The following NRG3 variants were observed in gnomAD, a reference collection of about 807,000 sequenced individuals.
NRG3 encodes neuregulin 3.
Under a neutral mutation model 66.9 loss-of-function variants are expected in NRG3, and 31 were observed. The observed-to-expected ratio is 0.46, with a 90% CI of 0.35 to 0.63. The LOEUF is 0.63. Among genes scored for constraint, NRG3 ranks in the 20% least tolerant of loss-of-function variants. NRG3 has a pLI of 0.00. For synonymous variants in NRG3, 393 were observed against 359.4 expected, an observed-to-expected ratio of 1.09 and a Z score of -1.06; for missense variants, 910 against 878.9, an observed-to-expected ratio of 1.04 and a Z score of -0.45.
At chr10:82,283,655 C>G (rs2079245137) in intron 1 of NRG3, among the ~76,000 whole-genome samples, 1 of 152,108 alleles carries the variant, frequency 6.6e-6, no homozygotes, top group South Asian at 2.1e-4. Context: ...ACTAAATATA[C>G]TGATGCTTAT....
chr10:82,222,320 T>C (rs77499677), intron 1 of NRG3, among the ~76,000 whole-genome samples: 2,667 of 151,894 alleles, frequency 0.018, 38 homozygotes, highest in Non-Finnish European at 0.027. Flanking sequence ...CTTAAATAAA[T>C]CAGGAGTTAA....
At chr10:82,905,211 T>C (rs933331025) in intron 4 of NRG3, among the ~76,000 whole-genome samples, 1 of 152,192 alleles carries the variant, frequency 6.6e-6, no homozygotes, top group African/African-American at 2.4e-5. Context: ...TCCATATGCC[T>C]GTTCAGTTTG....
At chr10:82,703,813 G>T (rs2056084370) in intron 2 of NRG3, among the ~76,000 whole-genome samples, 1 of 152,050 alleles carries the variant, frequency 6.6e-6, no homozygotes, top group African/African-American at 2.4e-5. Flanking sequence ...CCTTCTTTTT[G>T]GTCCTGGTTA....
At chr10:82,417,305 A>C (rs898104150) in intron 2 of NRG3, among the ~76,000 whole-genome samples, 3 of 152,310 alleles carry the variant, frequency 2.0e-5, no homozygotes, top group African/African-American at 4.8e-5. Flanking sequence ...GCTGGAATTG[A>C]AATCCAAGGA....
chr10:82,504,953 G>A (rs1844535615), intron 2 of NRG3, among the ~76,000 whole-genome samples: 1 of 151,928 alleles, frequency 6.6e-6, no homozygotes, highest in African/African-American at 2.4e-5. Flanking sequence ...TGCTAAGTAA[G>A]AAAGAAAGGG....
chr10:82,139,096 C>T (rs2069582969), intron 1 of NRG3, among the ~76,000 whole-genome samples: 1 of 152,122 alleles, frequency 6.6e-6, no homozygotes, highest in African/African-American at 2.4e-5. Flanking sequence ...AACTCTGTAT[C>T]ATGATAATCC....
At chr10:82,349,066 G>A (rs186178455) in intron 1 of NRG3, among the ~76,000 whole-genome samples, 2 of 152,316 alleles carry the variant, frequency 1.3e-5, no homozygotes, top group East Asian at 1.9e-4. Flanking sequence ...CTCTCAGCTC[G>A]TCAAAGTCAT....
chr10:82,513,608 C>T (rs1845397091), intron 2 of NRG3, among the ~76,000 whole-genome samples: 1 of 152,120 alleles, frequency 6.6e-6, no homozygotes, highest in Non-Finnish European at 1.5e-5. Flanking sequence ...TGGCGAAACC[C>T]TGTTTCTATA....
At chr10:82,923,483 G>A (rs574416560) in intron 4 of NRG3, among the ~76,000 whole-genome samples, 3 of 152,334 alleles carry the variant, frequency 2.0e-5, no homozygotes, top group South Asian at 4.1e-4. Flanking sequence ...ATCTGCGAGA[G>A]CAAGAAGTAT....
At position 81,979,049 on chromosome 10, in the gene NRG3, C is replaced by T. The variant is rs565991401; in HGVS notation, c.823+102886C>T. On this transcript the variant is annotated intron_variant, in intron 1 of 8. Transcript: ENST00000372141. ...ATTAAAAGTACAAAAATTAGCTGGG[C>T]GTAGTGGCGCACGCCTGTAGTCCCA... 7.5e-3 allele frequency among the ~76,000 whole-genome samples: 1,146 copies of T among 152,064 alleles called. 20 individuals carry two copies. The highest frequency in any genetic ancestry group is 0.026 in the African/African-American group (1,068 of 41,510).
intron 1 of NRG3, among the ~76,000 whole-genome samples, chr10:81,878,295 T>C (rs1841865225): frequency 6.6e-6 from 1 of 152,228 alleles, no homozygotes. Context: ...CTTTCTCTTT[T>C]TTAAACCTTT....
chr10:82,109,535 TTGTGTGTGTGTGTGTG>T (rs747213240), intron 1 of NRG3, among the ~76,000 whole-genome samples: 2 of 138,774 alleles, frequency 1.4e-5, no homozygotes, highest in African/African-American at 5.3e-5. Flanking sequence ...AAGAATAAGA[TTGTGTGTGTGTGTGTG>T]TGTGTGTGTG....
intron 1 of NRG3, among the ~76,000 whole-genome samples, chr10:81,996,466 G>A (rs1292675905): frequency 6.6e-6 from 1 of 152,082 alleles, no homozygotes; most frequent in Admixed American, 6.6e-5. Flanking sequence ...AAAATTAATA[G>A]CAATGCAATA....
chr10:82,516,583 G>A (rs1047633925), intron 2 of NRG3, among the ~76,000 whole-genome samples: 2 of 152,120 alleles, frequency 1.3e-5, no homozygotes, highest in African/African-American at 4.8e-5. Context: ...CAAAAAATGA[G>A]GATGTCAAAG....
intron 2 of NRG3, among the ~76,000 whole-genome samples, chr10:82,381,520 A>ATT (rs2085617084): frequency 6.6e-6 from 1 of 152,152 alleles, no homozygotes; most frequent in African/African-American, 2.4e-5. Flanking sequence ...CAGCCTCCAG[A>ATT]GCTTAGATTC....
At chr10:82,271,842 T>G (rs2078613220) in intron 1 of NRG3, among the ~76,000 whole-genome samples, 1 of 152,164 alleles carries the variant, frequency 6.6e-6, no homozygotes, top group Non-Finnish European at 1.5e-5. Flanking sequence ...TTTTGGCTTA[T>G]CTTGTTCTTT....
chr10:81,913,349 T>A (rs1394332846), intron 1 of NRG3, among the ~76,000 whole-genome samples: 1 of 152,142 alleles, frequency 6.6e-6, no homozygotes. Flanking sequence ...ACTGTCTTTT[T>A]AAGTTCTTAA....
intron 2 of NRG3, among the ~76,000 whole-genome samples, chr10:82,534,502 T>G (rs546119181): frequency 6.6e-6 from 1 of 152,160 alleles, no homozygotes; most frequent in African/African-American, 2.4e-5. Context: ...TGACCTCAGG[T>G]GATCCACCCA....
chr10:82,432,976 C>A (rs192027058), intron 2 of NRG3, among the ~76,000 whole-genome samples: 14 of 152,218 alleles, frequency 9.2e-5, no homozygotes, highest in Admixed American at 7.8e-4. Flanking sequence ...TGGATATATA[C>A]CCAGTAATGG....
Sources: allele counts gnomAD v4.1 joint callset (sites outside exome capture counted in the v4.1 genomes callset), GRCh38; gene constraint gnomAD v4.1.1; transcripts MANE v1.5; gene names NCBI Gene and HGNC (gene_info 2026-07-23, HGNC 2026-07-21).